TIGD1: variants seen among roughly 807,000 people sequenced by gnomAD.
The protein encoded by TIGD1 is tigger transposable element-derived protein 1.
A neutral mutation model predicts 21.3 loss-of-function variants in TIGD1; 20 were observed. That is an observed-to-expected ratio of 0.94 (90% confidence interval 0.66 to 1.36). TIGD1 has a LOEUF of 1.36. Ranked by LOEUF, TIGD1 falls within the 40% of genes most tolerant of loss-of-function variation. The pLI, the probability that TIGD1 is intolerant of heterozygous loss-of-function variation, is 0.00. For missense variants in TIGD1, 556 were observed against 350.5 expected (o/e 1.59, Z -4.68); for synonymous variants, 177 against 123.2 (o/e 1.44, Z -2.89).
rs1382596064 is a variant in TIGD1, at chr2:232,546,552, G to A, written c.*1555C>T. ...AGTAGAGATGAGGTTTTGCTATGTT[G>A]CCTAGGTTGGTCTTGAACTCCTGAG... is the stretch of plus-strand genomic sequence containing the variant. On this transcript the variant is annotated 3_prime_UTR_variant, in exon 1 of 1. Transcript: ENST00000408957. The A allele has an allele frequency of 6.6e-6, 1 of 152,134 alleles. No homozygotes were observed. Among genetic ancestry groups the A allele is most frequent in the Non-Finnish European group, 1.5e-5 (1 of 68,154 alleles). The allele number at this position is 152,134 out of a possible 1,614,324, so 9.4% of individuals were successfully genotyped here. A position where few individuals can be genotyped will look rare whatever the true frequency, so the allele number is the denominator to read the frequency against.
chr2:232,547,244 C>T lies in TIGD1; in HGVS notation c.*863G>A, dbSNP rs1341055508. Among the ~76,000 whole-genome samples the T allele has an allele frequency of 2.0e-5, 3 of 152,058 alleles. No homozygotes were observed. The highest frequency in any genetic ancestry group is 4.4e-5 in the Non-Finnish European group (3 of 68,000). Reference sequence around the variant, plus strand: ...CCAGCCTGGGCAACATGGGGACACCCGGCCTCTACCAAAAAATACAAAACT... The same window carrying T: ...CCAGCCTGGGCAACATGGGGACACCTGGCCTCTACCAAAAAATACAAAACT... On this transcript the variant is annotated 3_prime_UTR_variant, in exon 1 of 1. Coordinates refer to ENST00000408957, the MANE Select transcript of TIGD1 (RefSeq NM_145702.4).
At position 232,549,980 on chromosome 2, in the gene TIGD1, G is replaced by A; in HGVS notation, c.-98C>T. 1 of 678,302 alleles carries A rather than the reference G, an allele frequency of 1.5e-6. No individual in the cohort carries two copies. Among genetic ancestry groups the A allele is most frequent in the Non-Finnish European group, 2.5e-6 (1 of 401,882 alleles). 42.0% of individuals were successfully genotyped at this position (678,302 alleles called of 1,614,324 possible). ...AGAGATGGGGAACGGTCTGTGGGTGGAGCGGTCAGAACACACACAACATTA... is the reference window on the plus strand; with the variant it reads ...AGAGATGGGGAACGGTCTGTGGGTGAAGCGGTCAGAACACACACAACATTA... On this transcript the variant is annotated 5_prime_UTR_variant, in exon 1 of 1. Coordinates refer to ENST00000408957, the MANE Select transcript of TIGD1 (RefSeq NM_145702.4).
In TIGD1 at chr2:232,548,634, ACC is replaced by A. The variant is rs553155502; in HGVS notation, c.1247_1248del (p.Gly416ValfsTer26). On this transcript the variant is annotated frameshift_variant, in exon 1 of 1. Coordinates refer to ENST00000408957, the MANE Select transcript of TIGD1 (RefSeq NM_145702.4). LOFTEE classifies it high-confidence loss of function. ...CTTACTTCCTCCACTGAAGTCTTGA[ACC>A]CCTCATAGTCATCAATGAGGGTGGG... ...LIPTLIDDYE[G>X]FKTSVEEVSA... The A allele has an allele frequency of 2.0e-4, 104 of 519,064 alleles. 2 individuals are homozygous for A. The highest frequency in any genetic ancestry group is 1.7e-3 in the South Asian group (100 of 59,982). The allele number at this position is 519,064 out of a possible 1,614,324, so 32.2% of individuals were successfully genotyped here.
At position 232,548,552 on chromosome 2, in the gene TIGD1, A is replaced by G. The variant is rs1040682373; in HGVS notation, c.1331T>C (p.Val444Ala). 7.9e-6 allele frequency: 5 copies of G among 634,670 alleles called. No individual in the cohort carries two copies. The highest frequency in any genetic ancestry group is 1.6e-5 in the South Asian group (1 of 61,598). 39.3% of individuals were successfully genotyped at this position (634,670 alleles called of 1,614,324 possible). The change falls in exon 1 of 1, where the codon GTA becomes GCA. Residue 444 changes from valine to alanine, a missense_variant. Coordinates refer to ENST00000408957, the MANE Select transcript of TIGD1 (RefSeq NM_145702.4). ...ATCATGAGATTGCAGCAATTCAGTT[A>G]CATCTTCAGGCTCTACTTCTAATTC... The part of the protein sequence containing the change: ...ELELEVEPED[V>A]TELLQSHDKT...
Position 232,544,490 on chromosome 2 carries a change from G to A in TIGD1, c.*3617C>T. 6.2e-7 allele frequency: 1 copy of A among 1,613,840 alleles called. No individual in the cohort carries two copies. The highest frequency in any genetic ancestry group is 1.1e-5 in the South Asian group (1 of 91,086). On this transcript the variant is annotated 3_prime_UTR_variant, in exon 1 of 1. Transcript: ENST00000408957. ...CTCGGGATGGTCGATCACAACTGGG[G>A]AGGAGGTGGCCCTCTGCCTGCCTCG...
rs1692172521 is a variant in TIGD1 at position 232,548,362 on chromosome 2, C to T, written c.1521G>A (p.Glu507=). The change falls in exon 1 of 1, where the codon GAG becomes GAA. Residue 507 remains glutamate, a synonymous_variant. Coordinates refer to ENST00000408957, the MANE Select transcript of TIGD1 (RefSeq NM_145702.4). The part of the protein sequence containing the change: ...NLVDKAAAGF[E]RIDSNFERSS... ...TTCTTTCAAAATTGGAGTCAATCCT[C>T]TCAAACCCTGCTGCTGCTTTATCAA... 1 of 1,055,322 alleles carries T rather than the reference C, an allele frequency of 9.5e-7. No homozygotes were observed. Among genetic ancestry groups the T allele is most frequent in the Non-Finnish European group, 1.4e-6 (1 of 720,540 alleles). 65.4% of individuals were successfully genotyped at this position (1,055,322 alleles called of 1,614,324 possible). A position where few individuals can be genotyped will look rare whatever the true frequency, so the allele number is the denominator to read the frequency against.
In TIGD1 at chr2:232,547,066, T is replaced by A. The variant is rs937769659; in HGVS notation, c.*1041A>T. On this transcript the variant is annotated 3_prime_UTR_variant, in exon 1 of 1. Coordinates refer to ENST00000408957, the MANE Select transcript of TIGD1 (RefSeq NM_145702.4). Reference sequence around the variant, plus strand: ...AGGGGACACCCTTGGGCAAGTCACCTATGCTCCCTGAGGCTGTTCCCTCAT... The same window carrying A: ...AGGGGACACCCTTGGGCAAGTCACCAATGCTCCCTGAGGCTGTTCCCTCAT... 6.6e-6 allele frequency among the ~76,000 whole-genome samples: 1 copy of A among 152,170 alleles called. No homozygotes were observed. The highest frequency in any genetic ancestry group is 1.5e-5 in the Non-Finnish European group (1 of 68,030).
Position 232,549,377 on chromosome 2 carries a change from A to G in TIGD1, c.506T>C (p.Leu169Ser), listed in dbSNP as rs1181326569. ...VEAAASYPEA[L>S]AKIIDEGGYT... Reference sequence around the variant, plus strand: ...GCCACCTTCGTCAATGATCTTAGCTAAAGCTTCTGGATAACTTGCTGCAGC... The same window carrying G: ...GCCACCTTCGTCAATGATCTTAGCTGAAGCTTCTGGATAACTTGCTGCAGC... The change falls in exon 1 of 1, where the codon TTA becomes TCA. Residue 169 changes from leucine to serine, a missense_variant. Leu to Ser is a moderately radical substitution (Grantham distance 145). Transcript: ENST00000408957. 3 of 639,102 alleles carry G rather than the reference A, an allele frequency of 4.7e-6. No homozygotes were observed. Among genetic ancestry groups the G allele is most frequent in the Admixed American group, 4.6e-5 (2 of 43,884 alleles). 39.6% of individuals were successfully genotyped at this position (639,102 alleles called of 1,614,324 possible).
Position 232,549,753 on chromosome 2 carries a change from G to A in TIGD1, c.130C>T (p.Arg44Trp), listed in dbSNP as rs748637039. ...AEIGRRLGLL[R>W]QTVSQVVNAK... is the part of the protein sequence containing the mutation. ...TTTACAACTTGGCTAACTGTTTGCCGCAGGAGGCCTAGCCTTCGGCCTATC... is the reference window on the plus strand; with the variant it reads ...TTTACAACTTGGCTAACTGTTTGCCACAGGAGGCCTAGCCTTCGGCCTATC... The change falls in exon 1 of 1, where the codon CGG becomes TGG. Residue 44 changes from arginine (R) to tryptophan (W), a missense_variant. Physicochemically the swap from Arg to Trp is moderately radical, Grantham distance 101. Coordinates refer to ENST00000408957, the MANE Select transcript of TIGD1 (RefSeq NM_145702.4). 26 of 1,367,610 alleles carry A rather than the reference G, an allele frequency of 1.9e-5. No individual in the cohort carries two copies. In the Middle Eastern group the frequency reaches 1.5e-3, roughly 81 times the overall value. 84.7% of individuals were successfully genotyped at this position (1,367,610 alleles called of 1,614,324 possible).
Position 232,548,871 on chromosome 2 carries a change from C to T in TIGD1, c.1012G>A (p.Val338Ile), listed in dbSNP as rs776714235. 1 of 635,088 alleles carries T rather than the reference C, an allele frequency of 1.6e-6. No individual in the cohort carries two copies. Among genetic ancestry groups the T allele is most frequent in the South Asian group, 1.7e-5 (1 of 59,942 alleles). 39.3% of individuals were successfully genotyped at this position (635,088 alleles called of 1,614,324 possible). Reference protein sequence around the residue: ...TSILQPMDQGVISTFKSYYLR... With the variant: ...TSILQPMDQGIISTFKSYYLR... ...TAATAAGACTTGAAGGTCGAAATTA[C>T]CCCTTGATCCATGGGCTGCAGAATG... The change falls in exon 1 of 1, where the codon GTA becomes ATA. Residue 338 changes from valine to isoleucine, a missense_variant. By Grantham distance (29) the Val-to-Ile change is conservative (BLOSUM62 3). Coordinates refer to ENST00000408957, the MANE Select transcript of TIGD1 (RefSeq NM_145702.4).
In TIGD1 at chr2:232,549,953, A is replaced by C; in HGVS notation, c.-71T>G. 1.2e-6 allele frequency: 1 copy of C among 838,788 alleles called. No homozygotes were observed. The highest frequency in any genetic ancestry group is 1.9e-5 in the South Asian group (1 of 53,176). 52.0% of individuals were successfully genotyped at this position (838,788 alleles called of 1,614,324 possible). On this transcript the variant is annotated 5_prime_UTR_variant, in exon 1 of 1. Transcript: ENST00000408957. ...GGAATAGGGAGGCCCAAGAAGAGGGAGAGAGATGGGGAACGGTCTGTGGGT... is the reference window on the plus strand; with the variant it reads ...GGAATAGGGAGGCCCAAGAAGAGGGCGAGAGATGGGGAACGGTCTGTGGGT...
rs964119241 is a variant in TIGD1, at chr2:232,545,411, G to A, written c.*2696C>T. 4.8e-6 allele frequency: 4 copies of A among 837,612 alleles called. No individual in the cohort carries two copies. Among genetic ancestry groups the A allele is most frequent in the Non-Finnish European group, 5.9e-6 (3 of 511,240 alleles). 51.9% of individuals were successfully genotyped at this position (837,612 alleles called of 1,614,324 possible). A position where few individuals can be genotyped will look rare whatever the true frequency, so the allele number is the denominator to read the frequency against. On this transcript the variant is annotated 3_prime_UTR_variant, in exon 1 of 1. Coordinates refer to ENST00000408957, the MANE Select transcript of TIGD1 (RefSeq NM_145702.4). ...GGGCCATGGAATTAGCCACCAGTTG[G>A]GACCCGGACATAGGTAAGAAGGGCC...
In TIGD1 at chr2:232,548,753, C is replaced by T. The variant is rs1318666344; in HGVS notation, c.1130G>A (p.Gly377Glu). The change falls in exon 1 of 1, where the codon GGA becomes GAA. Residue 377 changes from glycine to glutamate, a missense_variant. Transcript: ENST00000408957. The stretch of plus-strand genomic sequence containing the variant: ...TTTAATGGCATCTAAAATGGTGAAT[C>T]CTTTCCAGAAGGTTTTCAATTTGCT... The part of the protein sequence containing the change: ...GQSKLKTFWK[G>E]FTILDAIKNI... 3 of 517,500 alleles carry T rather than the reference C, an allele frequency of 5.8e-6. No individual in the cohort carries two copies. Among genetic ancestry groups the T allele is most frequent in the Admixed American group, 2.3e-5 (1 of 43,978 alleles). The allele number at this position is 517,500 out of a possible 1,614,324, so 32.1% of individuals were successfully genotyped here. A position where few individuals can be genotyped will look rare whatever the true frequency, so the allele number is the denominator to read the frequency against.
chr2:232,547,875 G>C lies in TIGD1; in HGVS notation c.*232C>G, dbSNP rs1311046363. On this transcript the variant is annotated 3_prime_UTR_variant, in exon 1 of 1. Transcript: ENST00000408957. ...ATTACTATAAGTTACTGTCTCATGGGATCCATACAGCAACCTAAGGAGGTA... is the reference window on the plus strand; with the variant it reads ...ATTACTATAAGTTACTGTCTCATGGCATCCATACAGCAACCTAAGGAGGTA... 2.6e-6 allele frequency: 1 copy of C among 389,038 alleles called. No homozygotes were observed. The highest frequency in any genetic ancestry group is 4.5e-6 in the Non-Finnish European group (1 of 220,918). The allele number at this position is 389,038 out of a possible 1,614,324, so 24.1% of individuals were successfully genotyped here.
rs747407209 is a variant in TIGD1, at chr2:232,544,246, C to A, written c.*3861G>T. The A allele has an allele frequency of 6.2e-6, 5 of 810,820 alleles. No individual in the cohort carries two copies. The highest frequency in any genetic ancestry group is 1.1e-5 in the Non-Finnish European group (5 of 463,294). 50.2% of individuals were successfully genotyped at this position (810,820 alleles called of 1,614,324 possible). On this transcript the variant is annotated 3_prime_UTR_variant, in exon 1 of 1. Coordinates refer to ENST00000408957, the MANE Select transcript of TIGD1 (RefSeq NM_145702.4). ...TCCAGTATAGAAAGCTTTACCAAGG[C>A]CACGTCACTGCCCCGGTATGCTGCC...
rs1007664043 is a variant in TIGD1 at position 232,549,948 on chromosome 2, G to A, written c.-66C>T. 12 of 887,756 alleles carry A rather than the reference G, an allele frequency of 1.4e-5. No individual in the cohort carries two copies. Among genetic ancestry groups the A allele is most frequent in the Middle Eastern group, 7.0e-4 (2 of 2,872 alleles). The allele number at this position is 887,756 out of a possible 1,614,324, so 55.0% of individuals were successfully genotyped here. ...CTCAGGGAATAGGGAGGCCCAAGAA[G>A]AGGGAGAGAGATGGGGAACGGTCTG... is the stretch of plus-strand genomic sequence containing the variant. On this transcript the variant is annotated 5_prime_UTR_variant, in exon 1 of 1. Coordinates refer to ENST00000408957, the MANE Select transcript of TIGD1 (RefSeq NM_145702.4).
At position 232,548,312 on chromosome 2, in the gene TIGD1, G is replaced by C. The variant is rs538345895; in HGVS notation, c.1571C>G (p.Ser524Ter). Residue 524 changes from serine to a stop codon, truncating the protein, a stop_gained, in exon 1 of 1, where the codon TCA becomes TGA. Coordinates refer to ENST00000408957, the MANE Select transcript of TIGD1 (RefSeq NM_145702.4). LOFTEE classifies it high-confidence loss of function. ...TTCTCTGTAGCATGCGATGCTGTTT[G>C]ATAGCATTTTGCCCACAGTAGAGCT... Reference protein sequence around the residue: ...ERSSTVGKMLSNSIACYREIF... With the variant: ...ERSSTVGKML 1 of 1,501,604 alleles carries C rather than the reference G, an allele frequency of 6.7e-7. No homozygotes were observed. The highest frequency in any genetic ancestry group is 2.5e-5 in the East Asian group (1 of 40,742). The allele number at this position is 1,501,604 out of a possible 1,614,324, so 93.0% of individuals were successfully genotyped here. A position where few individuals can be genotyped will look rare whatever the true frequency, so the allele number is the denominator to read the frequency against.
Position 232,545,462 on chromosome 2 carries a change from T to G in TIGD1, c.*2645A>C. ...CCAGGAAATGGAGACATGGGCCTGC[T>G]GGAAGCCCAAGGATGAGAACAGGAC... is the stretch of plus-strand genomic sequence containing the variant. On this transcript the variant is annotated 3_prime_UTR_variant, in exon 1 of 1. Transcript: ENST00000408957. 1 of 1,294,304 alleles carries G rather than the reference T, an allele frequency of 7.7e-7. No individual in the cohort carries two copies. Among genetic ancestry groups the G allele is most frequent in the Non-Finnish European group, 1.1e-6 (1 of 918,468 alleles). 80.2% of individuals were successfully genotyped at this position (1,294,304 alleles called of 1,614,324 possible).
Position 232,550,395 on chromosome 2 carries a change from T to C in TIGD1, c.-513A>G. 1 of 480,192 alleles carries C rather than the reference T, an allele frequency of 2.1e-6. No homozygotes were observed. The highest frequency in any genetic ancestry group is 3.8e-6 in the Non-Finnish European group (1 of 263,850). The allele number at this position is 480,192 out of a possible 1,614,324, so 29.7% of individuals were successfully genotyped here. On this transcript the variant is annotated 5_prime_UTR_variant, in exon 1 of 1. Transcript: ENST00000408957. ...AGGAAGGTTTTTACCAAGCAGCGAG[T>C]CCAGAGCCCGCGCCGTCAACGACGC...
Sources: allele counts gnomAD v4.1 joint callset (sites outside exome capture counted in the v4.1 genomes callset), GRCh38; gene constraint gnomAD v4.1.1; transcripts MANE v1.5; gene names NCBI Gene and HGNC (gene_info 2026-07-23, HGNC 2026-07-21).